RIPOR2: variants seen among roughly 807,000 people sequenced by gnomAD.
RIPOR2 encodes the protein RHO family interacting cell polarization regulator 2.
A neutral mutation model predicts 114.5 loss-of-function variants in RIPOR2; 39 were observed. The observed-to-expected ratio is 0.34, with a 90% CI of 0.26 to 0.44. RIPOR2 has a LOEUF of 0.44. Ranked by LOEUF, RIPOR2 falls within the 20% of genes least tolerant of loss-of-function variation. The probability of loss-of-function intolerance (pLI) is 1.00; values close to 1 mark genes in which losing one functional copy is unlikely to be tolerated. For missense variants in RIPOR2, 1,007 were observed against 1,255.1 expected (o/e 0.80, Z 2.99); for synonymous variants, 445 against 484.4 (o/e 0.92, Z 1.07).
chr6:24,847,057 T>G (rs1403594479), intron 12 of RIPOR2, among the ~76,000 whole-genome samples: 1 of 152,138 alleles, frequency 6.6e-6, no homozygotes, highest in Non-Finnish European at 1.5e-5. Flanking sequence ...GTTCAAGTGA[T>G]CCTCTCACCT....
chr6:24,857,913 A>G (rs372012392), intron 8 of RIPOR2, among the ~76,000 whole-genome samples: 3 of 152,182 alleles, frequency 2.0e-5, no homozygotes, highest in South Asian at 2.1e-4. Flanking sequence ...TCAGGACCCA[A>G]CTAATTCTCC....
At chr6:24,974,302 C>T (rs1020392146) in intron 1 of RIPOR2, among the ~76,000 whole-genome samples, 1 of 152,118 alleles carries the variant, frequency 6.6e-6, no homozygotes, top group African/African-American at 2.4e-5. Context: ...CCCAGGAGTT[C>T]CAGGCTGCAG....
chr6:24,835,832 A>C lies in RIPOR2; in HGVS notation c.2079T>G (p.Ser693Arg), dbSNP rs1002261895. The C allele has an allele frequency of 6.4e-7, 1 of 1,551,446 alleles. No homozygotes were observed. Among genetic ancestry groups the C allele is most frequent in the African/African-American group, 1.4e-5 (1 of 72,998 alleles). Residue 693 changes from serine to arginine, a missense_variant, in exon 15 of 22, where the codon AGT becomes AGG. Coordinates refer to ENST00000643898, the MANE Select transcript of RIPOR2 (RefSeq NM_001286445.3). ...CTCCTGTGTCTTCAGTGAGCGCTTC[A>C]CTGAGATGCCCCCTGGCTTCTGGGT... ...SVHPEARGHL[S>R]EALTEDTGVG...
chr6:25,025,441 T>C (rs1223519683), intron 1 of RIPOR2, among the ~76,000 whole-genome samples: 1 of 152,088 alleles, frequency 6.6e-6, no homozygotes, highest in Admixed American at 6.5e-5. Context: ...GTGACGAGGC[T>C]TTTTTAGGGT....
intron 1 of RIPOR2, among the ~76,000 whole-genome samples, chr6:24,903,009 G>A (rs1322119116): frequency 6.6e-6 from 1 of 152,236 alleles, no homozygotes; most frequent in Non-Finnish European, 1.5e-5. Context: ...TGAAACAACA[G>A]CAGTGAGTCA....
chr6:24,956,452 A>G (rs1773048371), intron 1 of RIPOR2, among the ~76,000 whole-genome samples: 1 of 152,224 alleles, frequency 6.6e-6, no homozygotes, highest in South Asian at 2.1e-4. Flanking sequence ...TACCTCTGAG[A>G]TATGATGAGC....
At chr6:24,927,264 C>CACAACTACT (rs1770991306) in intron 1 of RIPOR2, among the ~76,000 whole-genome samples, 1 of 14,550 alleles carries the variant, frequency 6.9e-5, no homozygotes, top group Non-Finnish European at 1.5e-4. Context: ...CCACCACCAC[C>CACAACTACT]ACAGCTACAA....
intron 3 of RIPOR2, among the ~76,000 whole-genome samples, chr6:24,873,405 T>C (rs1000091734): frequency 4.6e-5 from 7 of 152,352 alleles, no homozygotes; most frequent in African/African-American, 1.2e-4. Context: ...CTGTCCATCA[T>C]TGTTTAAGTG....
intron 7 of RIPOR2, among the ~76,000 whole-genome samples, chr6:24,862,136 CTA>C (rs1208389213): frequency 6.6e-6 from 1 of 152,242 alleles, no homozygotes; most frequent in Non-Finnish European, 1.5e-5. Flanking sequence ...ACCTGAGGAC[CTA>C]AATAGAACAA....
At chr6:24,980,763 TC>T (rs1774253179) in intron 1 of RIPOR2, among the ~76,000 whole-genome samples, 1 of 152,194 alleles carries the variant, frequency 6.6e-6, no homozygotes, top group Admixed American at 6.5e-5. Context: ...CACTCCCATC[TC>T]CCTGCCGCCA....
At chr6:24,835,531 G>T (rs1426420586) in intron 15 of RIPOR2, among the ~76,000 whole-genome samples, 172 bp downstream of exon 15, 1 of 152,166 alleles carries the variant, frequency 6.6e-6, no homozygotes, top group East Asian at 1.9e-4. Context: ...AAAACCCAAG[G>T]TTGTAGAGGG....
intron 18 of RIPOR2, among the ~76,000 whole-genome samples, chr6:24,827,142 C>T (rs1006695698): frequency 2.0e-5 from 3 of 152,064 alleles, no homozygotes. Flanking sequence ...TAAATGAAGA[C>T]TATAATATTA....
chr6:25,024,237 A>G lies in RIPOR2; in HGVS notation c.76+17614T>C, dbSNP rs572500839. The stretch of plus-strand genomic sequence containing the variant: ...GCCCAGGAGGTAGCGGTCCTCATAC[A>G]GTGTGCTGGACTGGATGGCCGGCCA... On this transcript the variant is annotated intron_variant, in intron 1 of 13. Coordinates refer to the RIPOR2 transcript ENST00000510784. The G allele has an allele frequency of 1.1e-4, 168 of 1,525,714 alleles. No homozygotes were observed. In the African/African-American group the frequency reaches 2.0e-3, roughly 18 times the overall value. The allele number at this position is 1,525,714 out of a possible 1,614,324, so 94.5% of individuals were successfully genotyped here. A position where few individuals can be genotyped will look rare whatever the true frequency, so the allele number is the denominator to read the frequency against.
At chr6:25,005,739 A>ATATATATATATG (rs869093518) in intron 1 of RIPOR2, among the ~76,000 whole-genome samples, 1 of 79,674 alleles carries the variant, frequency 1.3e-5, no homozygotes, top group Non-Finnish European at 3.2e-5. Context: ...ATATATATAT[A>ATATATATATATG]TACATTTACC....
chr6:25,000,341 T>G (rs1775248143), intron 1 of RIPOR2, among the ~76,000 whole-genome samples: 2 of 152,008 alleles, frequency 1.3e-5, no homozygotes, highest in Non-Finnish European at 2.9e-5. Context: ...AATGTAAGAG[T>G]TCACCCATCT....
rs773582351 is a variant in RIPOR2 at position 24,830,576 on chromosome 6, C to T, written c.2439G>A (p.Val813=). 2.6e-6 allele frequency: 4 copies of T among 1,551,568 alleles called. No homozygotes were observed. Among genetic ancestry groups the T allele is most frequent in the African/African-American group, 1.4e-5 (1 of 73,170 alleles). ...CAAAGCTGGCCTCCAGCTGCTTCAT[C>T]ACTCTGTCCGCTGGGCTGTGGTAGA... is the stretch of plus-strand genomic sequence containing the variant. ...VGVYHSPADR[V]MKQLEASFAR... is the part of the protein sequence containing the mutation. The change falls in exon 17 of 22, where the codon GTG becomes GTA. Residue 813 remains valine, a synonymous_variant. Transcript: ENST00000643898.
chr6:24,854,633 T>C (rs1253382231), intron 8 of RIPOR2, among the ~76,000 whole-genome samples: 1 of 152,202 alleles, frequency 6.6e-6, no homozygotes, highest in Non-Finnish European at 1.5e-5. Context: ...AAAAGTTTTA[T>C]TGAAGGAACC....
chr6:24,851,326 C>T (rs1195683751), intron 9 of RIPOR2, among the ~76,000 whole-genome samples: 1 of 152,194 alleles, frequency 6.6e-6, no homozygotes, highest in Non-Finnish European at 1.5e-5. Context: ...GTTAGTTCTA[C>T]TTCAATAGAG....
chr6:24,886,089 C>T (rs138863334), intron 1 of RIPOR2, among the ~76,000 whole-genome samples: 20 of 152,248 alleles, frequency 1.3e-4, no homozygotes, highest in African/African-American at 4.3e-4. Context: ...CAGATTCATT[C>T]GTCGACATCT....
Sources: allele counts gnomAD v4.1 joint callset (sites outside exome capture counted in the v4.1 genomes callset), GRCh38; gene constraint gnomAD v4.1.1; transcripts MANE v1.5; gene names NCBI Gene and HGNC (gene_info 2026-07-23, HGNC 2026-07-21).